The following CCSER1 variants were observed in gnomAD, a reference collection of about 807,000 sequenced individuals.
CCSER1 encodes the protein serine-rich coiled-coil domain-containing protein 1.
In CCSER1, 41 loss-of-function variants were observed where a neutral mutation model predicts 82.0. That is an observed-to-expected ratio of 0.50 (90% CI 0.39 to 0.65). The LOEUF (loss-of-function observed/expected upper bound fraction) is 0.65. Among genes scored for constraint, CCSER1 ranks in the 30% least tolerant of loss-of-function variants. CCSER1 has a pLI of 0.00. For synonymous variants in CCSER1, 414 were observed against 383.9 expected (o/e 1.08, Z -0.92); for missense variants, 1,119 against 1,064.2 (o/e 1.05, Z -0.72).
intron 10 of CCSER1, among the ~76,000 whole-genome samples, chr4:91,548,315 C>T (rs1486392294): frequency 6.6e-6 from 1 of 152,052 alleles, no homozygotes; most frequent in Non-Finnish European, 1.5e-5. Flanking sequence ...ATCATTGCTG[C>T]CATTCATTTT....
intron 10 of CCSER1, among the ~76,000 whole-genome samples, chr4:91,420,201 G>C (rs1753611910): frequency 6.6e-6 from 1 of 151,878 alleles, no homozygotes; most frequent in Non-Finnish European, 1.5e-5. Context: ...TAAACAAATG[G>C]GACAACAGCC....
chr4:90,622,172 G>A (rs1271995484), intron 5 of CCSER1, among the ~76,000 whole-genome samples: 1 of 152,140 alleles, frequency 6.6e-6, no homozygotes, highest in African/African-American at 2.4e-5. Context: ...TCTGTGATAA[G>A]CATTAAAAAT....
At chr4:90,461,912 C>T (rs1255664473) in intron 4 of CCSER1, among the ~76,000 whole-genome samples, 1 of 152,210 alleles carries the variant, frequency 6.6e-6, no homozygotes, top group African/African-American at 2.4e-5. Context: ...TTTATCTTCA[C>T]AAGTTCAGCA....
chr4:90,294,779 G>A (rs1475723004), intron 1 of CCSER1, among the ~76,000 whole-genome samples: 2 of 151,784 alleles, frequency 1.3e-5, no homozygotes, highest in Non-Finnish European at 2.9e-5. Context: ...CCCCGTTGAC[G>A]ACAACCTCAA....
intron 10 of CCSER1, among the ~76,000 whole-genome samples, chr4:91,144,385 CCT>C (rs1729348469): frequency 1.3e-5 from 2 of 151,520 alleles, no homozygotes; most frequent in South Asian, 4.2e-4. Flanking sequence ...ATTCTATAGA[CCT>C]CATTTATTCT....
chr4:90,706,100 T>A (rs1020050141), intron 6 of CCSER1, among the ~76,000 whole-genome samples: 5 of 152,212 alleles, frequency 3.3e-5, no homozygotes, highest in Non-Finnish European at 5.9e-5. Flanking sequence ...CTGTTCCTAT[T>A]CAGCCATCTT....
chr4:91,387,572 A>G (rs546091107), intron 10 of CCSER1, among the ~76,000 whole-genome samples: 11 of 152,190 alleles, frequency 7.2e-5, no homozygotes, highest in African/African-American at 2.2e-4. Flanking sequence ...TTAAGTATCT[A>G]ACTAATTTTG....
rs967510049 is a variant in CCSER1, at chr4:90,261,834, T to C, written c.-41-46410T>C. Among the ~76,000 whole-genome samples the C allele has an allele frequency of 2.0e-5, 3 of 152,172 alleles. No homozygotes were observed. The South Asian group carries it at 6.2e-4, about 31-fold the overall frequency. ...CTTCATCTTTGTCTGATTGGTTAAT[T>C]TGAAAGCTGTGTCTTCAAGCTTTGA... is the stretch of plus-strand genomic sequence containing the variant. On this transcript the variant is annotated intron_variant, in intron 1 of 10. Coordinates refer to ENST00000509176, the MANE Select transcript of CCSER1 (RefSeq NM_001145065.2).
intron 8 of CCSER1, among the ~76,000 whole-genome samples, chr4:90,881,104 G>A (rs1311276517): frequency 6.6e-6 from 1 of 150,876 alleles, no homozygotes; most frequent in Admixed American, 6.6e-5. Context: ...TTTCTTATAT[G>A]AGTTTTTAAA....
chr4:91,033,574 T>C (rs1358986294), intron 9 of CCSER1, among the ~76,000 whole-genome samples: 1 of 152,090 alleles, frequency 6.6e-6, no homozygotes, highest in African/African-American at 2.4e-5. Flanking sequence ...CATTCTACTT[T>C]TTATCTTGTT....
intron 4 of CCSER1, among the ~76,000 whole-genome samples, chr4:90,462,720 T>C (rs949774328): frequency 1.3e-5 from 2 of 152,148 alleles, no homozygotes; most frequent in African/African-American, 2.4e-5. Flanking sequence ...GACTCCAGCT[T>C]GGGCGAATAA....
intron 8 of CCSER1, among the ~76,000 whole-genome samples, chr4:90,909,258 C>A (rs1288675867): frequency 6.6e-6 from 1 of 152,128 alleles, no homozygotes; most frequent in Non-Finnish European, 1.5e-5. Context: ...AGTATAATCT[C>A]TTTTTAATGT....
intron 10 of CCSER1, among the ~76,000 whole-genome samples, chr4:91,390,076 G>A (rs976868762): frequency 6.6e-6 from 1 of 151,748 alleles, no homozygotes; most frequent in African/African-American, 2.4e-5. Context: ...CTTTCCAGTG[G>A]TGGAAAGGGA....
intron 10 of CCSER1, among the ~76,000 whole-genome samples, chr4:91,106,606 G>A (rs905997809): frequency 6.6e-6 from 1 of 151,990 alleles, no homozygotes; most frequent in African/African-American, 2.4e-5. Flanking sequence ...CTACTATTTT[G>A]ATGTGCTTTG....
intron 8 of CCSER1, among the ~76,000 whole-genome samples, chr4:90,921,526 G>A (rs1233776958): frequency 6.6e-6 from 1 of 151,802 alleles, no homozygotes; most frequent in African/African-American, 2.4e-5. Flanking sequence ...TTGTTTGTTT[G>A]TTCTTGTTTT....
intron 1 of CCSER1, among the ~76,000 whole-genome samples, chr4:90,153,850 G>A (rs1178765209): frequency 6.6e-6 from 1 of 152,136 alleles, no homozygotes; most frequent in Non-Finnish European, 1.5e-5. Context: ...CACTCTGATG[G>A]TAGTTTCTTT....
rs1209980526 is a variant in CCSER1, at chr4:91,085,966, G to T, written c.2189G>T (p.Arg730Ile). The change falls in exon 10 of 11, where the codon AGA becomes ATA. Residue 730 changes from arginine (R) to isoleucine (I), a missense_variant. Transcript: ENST00000509176. ...CTTTTTCAGGGTTTAAACTTGAAAA[G>T]ACTAGAGACAGTACAAGGAGGGAGA... ...LLCYDGLNLK[R>I]LETVQGGREA... The T allele has an allele frequency of 3.9e-6, 6 of 1,528,356 alleles. No individual in the cohort carries two copies. In the African/African-American group the frequency reaches 6.9e-5, roughly 18 times the overall value. The allele number at this position is 1,528,356 out of a possible 1,614,324, so 94.7% of individuals were successfully genotyped here. A position where few individuals can be genotyped will look rare whatever the true frequency, so the allele number is the denominator to read the frequency against.
chr4:90,232,602 G>C (rs6846805), intron 1 of CCSER1, among the ~76,000 whole-genome samples: 63,831 of 117,730 alleles, frequency 0.54, 18,212 homozygotes, highest in East Asian at 0.78. Context: ...GCAATGGCAA[G>C]AAAAGCCAAA....
chr4:90,595,611 C>T (rs1031969497), intron 5 of CCSER1, among the ~76,000 whole-genome samples: 11 of 151,704 alleles, frequency 7.3e-5, no homozygotes, highest in African/African-American at 2.7e-4. Flanking sequence ...ATGTGAACAA[C>T]GTGGTGAAAT....
Sources: gnomAD v4.1 joint callset for allele counts (sites outside exome capture counted in the v4.1 genomes callset) on GRCh38, gnomAD v4.1.1 for gene constraint, MANE v1.5 for transcripts, NCBI Gene and HGNC (gene_info 2026-07-23, HGNC 2026-07-21) for gene names.